The following SNTB1 variants were observed in gnomAD, a reference collection of about 807,000 sequenced individuals.
The protein encoded by SNTB1 is syntrophin beta 1.
In SNTB1, 36 loss-of-function variants were observed where a neutral mutation model predicts 48.9. That is an observed-to-expected ratio of 0.74 (90% CI 0.56 to 0.97). SNTB1 has a LOEUF of 0.97. Ranked by LOEUF, SNTB1 falls within the 50% of genes least tolerant of loss-of-function variation. SNTB1 has a pLI of 0.00. For missense variants in SNTB1, 786 were observed against 703.4 expected, an observed-to-expected ratio of 1.12 and a Z score of -1.33; for synonymous variants, 299 against 294.6, an observed-to-expected ratio of 1.01 and a Z score of -0.15.
intron 3 of SNTB1, among the ~76,000 whole-genome samples, chr8:120,623,931 T>A (rs537950495): frequency 2.9e-4 from 44 of 152,056 alleles, no homozygotes; most frequent in African/African-American, 9.4e-4. Context: ...ACTGGGTAAT[T>A]TTTTGTTTGT....
chr8:120,564,165 C>G (rs941342827), intron 4 of SNTB1, among the ~76,000 whole-genome samples: 5 of 151,980 alleles, frequency 3.3e-5, no homozygotes, highest in Admixed American at 3.3e-4. Context: ...CATTGTGCCT[C>G]TTTCCACCCA....
chr8:120,733,787 A>C (rs944430013), intron 1 of SNTB1, among the ~76,000 whole-genome samples: 4 of 152,242 alleles, frequency 2.6e-5, no homozygotes, highest in African/African-American at 4.8e-5. Context: ...TTAAATTCCA[A>C]GATCCAGTAA....
intron 1 of SNTB1, chr8:120,766,011 A>G (rs953419995): frequency 2.0e-5 from 3 of 152,190 alleles, no homozygotes; most frequent in Non-Finnish European, 2.9e-5. Context: ...TTAAGCAAGG[A>G]AACAGTTTAC....
chr8:120,644,884 T>G (rs201788167), intron 2 of SNTB1, among the ~76,000 whole-genome samples: 3 of 152,096 alleles, frequency 2.0e-5, no homozygotes, highest in East Asian at 1.9e-4. Flanking sequence ...ATCTCACTGT[T>G]GTTTTGATTT....
intron 1 of SNTB1, among the ~76,000 whole-genome samples, chr8:120,753,365 C>T (rs986640378): frequency 2.6e-5 from 4 of 152,110 alleles, no homozygotes; most frequent in South Asian, 2.1e-4. Flanking sequence ...TCTTCCAATG[C>T]CCACTCCACC....
At chr8:120,590,912 C>T (rs75586536) in intron 3 of SNTB1, among the ~76,000 whole-genome samples, 1 of 151,978 alleles carries the variant, frequency 6.6e-6, no homozygotes, top group African/African-American at 2.4e-5. Flanking sequence ...GTCTTGAACT[C>T]CTGACCTCGT....
intron 1 of SNTB1, among the ~76,000 whole-genome samples, chr8:120,720,646 G>A (rs1450755504): frequency 6.6e-6 from 1 of 152,208 alleles, no homozygotes; most frequent in African/African-American, 2.4e-5. Context: ...GCATTGATCA[G>A]TATCTTTTGC....
intron 1 of SNTB1, among the ~76,000 whole-genome samples, chr8:120,778,614 T>C (rs897208465): frequency 6.6e-6 from 1 of 152,206 alleles, no homozygotes; most frequent in Admixed American, 6.5e-5. Context: ...TGAAAGAAAT[T>C]AGTGGTGGTG....
At chr8:120,575,264 A>G in intron 3 of SNTB1, 39 bp from the exon 4 acceptor site, 4 of 1,613,526 alleles carry the variant, frequency 2.5e-6, no homozygotes, top group Non-Finnish European at 3.4e-6. Context: ...TGACAGCCTG[A>G]GGAAAGGATG....
intron 3 of SNTB1, among the ~76,000 whole-genome samples, chr8:120,583,007 A>G (rs1394137767): frequency 3.3e-5 from 5 of 152,150 alleles, no homozygotes; most frequent in East Asian, 1.9e-4. Flanking sequence ...TGGTTCTCTC[A>G]TCTATAATCC....
chr8:120,637,248 GA>G, intron 2 of SNTB1: 12 of 344,624 alleles, frequency 3.5e-5, no homozygotes, highest in Non-Finnish European at 4.6e-5. Flanking sequence ...AATAAGATGG[GA>G]AAAAGTCTGC....
chr8:120,696,010 G>C (rs983016739), intron 1 of SNTB1, among the ~76,000 whole-genome samples: 1 of 152,158 alleles, frequency 6.6e-6, no homozygotes, highest in African/African-American at 2.4e-5. Context: ...CAGAAATTTA[G>C]GGGGACATAT....
At chr8:120,585,548 T>G (rs538830602) in intron 3 of SNTB1, among the ~76,000 whole-genome samples, 61 of 152,236 alleles carry the variant, frequency 4.0e-4, no homozygotes, top group Non-Finnish European at 7.8e-4. Context: ...ACCGTTAATA[T>G]GTTGTTCCAG....
intron 1 of SNTB1, among the ~76,000 whole-genome samples, chr8:120,791,219 A>C (rs184697622): frequency 3.0e-4 from 45 of 151,946 alleles, no homozygotes; most frequent in African/African-American, 1.1e-3. Flanking sequence ...GAGGCAATAA[A>C]TGTTGATAGG....
intron 4 of SNTB1, among the ~76,000 whole-genome samples, chr8:120,562,501 G>T (rs1815676910): frequency 6.6e-6 from 1 of 152,132 alleles, no homozygotes; most frequent in African/African-American, 2.4e-5. Context: ...GGGACAAATG[G>T]GATGGCTGGG....
Position 120,538,968 on chromosome 8 carries a change from T to C in SNTB1, c.1526A>G (p.Gln509Arg). Residue 509 changes from glutamine (Q) to arginine (R), a missense_variant and splice_region_variant, in exon 7 of 7, where the codon CAA (glutamine) becomes CGA (arginine). Transcript: ENST00000517992. Reference protein sequence around the residue: ...LDFGGKDGEIQLDLHSCPKPI... With the variant: ...LDFGGKDGEIRLDLHSCPKPI... ...CTTGGGGCAGGAATGAAGGTCCAGT[T>C]GCTGAAATTTAAAAAGAAGAGAGCA... is the stretch of plus-strand genomic sequence containing the variant. 1.9e-6 allele frequency: 3 copies of C among 1,607,500 alleles called. No homozygotes were observed. The highest frequency in any genetic ancestry group is 2.5e-6 in the Non-Finnish European group (3 of 1,177,944).
At chr8:120,569,045 G>A (rs1252827377) in intron 4 of SNTB1, among the ~76,000 whole-genome samples, 2 of 152,130 alleles carry the variant, frequency 1.3e-5, no homozygotes, top group Admixed American at 1.3e-4. Context: ...GCAGTGGCGC[G>A]ATCTCGGCTC....
At chr8:120,539,838 C>T (rs1815256487) in intron 6 of SNTB1, among the ~76,000 whole-genome samples, 1 of 152,186 alleles carries the variant, frequency 6.6e-6, no homozygotes, top group Non-Finnish European at 1.5e-5. Flanking sequence ...CTTCTATCCA[C>T]TATCTTATTT....
At chr8:120,717,857 A>C (rs960769110) in intron 1 of SNTB1, among the ~76,000 whole-genome samples, 5 of 152,176 alleles carry the variant, frequency 3.3e-5, no homozygotes, top group African/African-American at 1.2e-4. Context: ...AAAATGAAAA[A>C]CAAAGCCCTC....
Sources: gnomAD v4.1 joint callset for allele counts (sites outside exome capture counted in the v4.1 genomes callset) on GRCh38, gnomAD v4.1.1 for gene constraint, MANE v1.5 for transcripts, NCBI Gene and HGNC (gene_info 2026-07-23, HGNC 2026-07-21) for gene names.